The following GALNT13 variants were observed in gnomAD, a reference collection of about 807,000 sequenced individuals.
GALNT13 encodes the protein UDP-GalNAc:polypeptide N-acetylgalactosaminyltransferase 13.
GALNT13 carries 28 observed loss-of-function variants against 64.2 expected under a neutral mutation model. The observed-to-expected ratio is 0.44, with a 90% CI of 0.32 to 0.60. The LOEUF is 0.60. Ranked by LOEUF, GALNT13 falls within the 20% of genes least tolerant of loss-of-function variation. GALNT13 has a pLI of 0.05. For synonymous variants in GALNT13, 214 were observed against 224.6 expected, an observed-to-expected ratio of 0.95 and a Z score of 0.42; for missense variants, 577 against 669.8, an observed-to-expected ratio of 0.86 and a Z score of 1.53.
At chr2:153,457,393 C>T in the GALNT13 span, among the ~76,000 whole-genome samples, 14 of 152,100 alleles carry the variant, frequency 9.2e-5, no homozygotes, top group African/African-American at 3.1e-4. Context: ...ATATATCATC[C>T]GTTCTCTTTA....
the GALNT13 span, among the ~76,000 whole-genome samples, chr2:153,452,818 G>A: frequency 6.6e-6 from 1 of 151,844 alleles, no homozygotes; most frequent in Non-Finnish European, 1.5e-5. Context: ...AATAAGCAAA[G>A]CAATCCTAAG....
intron 9 of GALNT13, among the ~76,000 whole-genome samples, chr2:154,319,686 T>G (rs1047594105): frequency 6.6e-6 from 1 of 152,004 alleles, no homozygotes; most frequent in Admixed American, 6.6e-5. Flanking sequence ...AAAATATTTC[T>G]TAATAATGTG....
chr2:153,670,873 T>C, the GALNT13 span, among the ~76,000 whole-genome samples: 1 of 152,140 alleles, frequency 6.6e-6, no homozygotes, highest in African/African-American at 2.4e-5. Flanking sequence ...CTGATGGAGC[T>C]GAAAACCACA....
At chr2:153,403,060 T>C in the GALNT13 span, among the ~76,000 whole-genome samples, 3 of 151,500 alleles carry the variant, frequency 2.0e-5, no homozygotes, top group South Asian at 6.2e-4. Flanking sequence ...TTTGTGGTTT[T>C]ATCTACTTTT....
chr2:153,181,065 A>C, the GALNT13 span, among the ~76,000 whole-genome samples: 1 of 37,226 alleles, frequency 2.7e-5, no homozygotes, highest in Non-Finnish European at 5.2e-5. Context: ...CATCAGGCTT[A>C]TCCTTTTTCT....
At chr2:153,301,138 G>T in the GALNT13 span, among the ~76,000 whole-genome samples, 2 of 151,860 alleles carry the variant, frequency 1.3e-5, no homozygotes, top group Non-Finnish European at 1.5e-5. Context: ...TGAGGCTGGA[G>T]TGAGCCGTGA....
At chr2:153,148,122 T>A in the GALNT13 span, among the ~76,000 whole-genome samples, 1 of 151,936 alleles carries the variant, frequency 6.6e-6, no homozygotes, top group Non-Finnish European at 1.5e-5. Flanking sequence ...GAAAAGCCGC[T>A]ACTTCCTTTT....
At chr2:154,138,250 C>T (rs1683059488) in intron 3 of GALNT13, among the ~76,000 whole-genome samples, 1 of 151,866 alleles carries the variant, frequency 6.6e-6, no homozygotes, top group African/African-American at 2.4e-5. Context: ...CTTCATTTTC[C>T]TTCTGAAGAC....
the GALNT13 span, among the ~76,000 whole-genome samples, chr2:153,780,240 T>G: frequency 1.5e-4 from 3 of 19,470 alleles, no homozygotes; most frequent in South Asian, 8.8e-4. Flanking sequence ...TATATATATA[T>G]ATATATATAT....
At chr2:153,862,521 A>G in the GALNT13 span, among the ~76,000 whole-genome samples, 1 of 152,170 alleles carries the variant, frequency 6.6e-6, no homozygotes, top group Non-Finnish European at 1.5e-5. Context: ...TTTCAAGGCA[A>G]TAGTACTTCA....
At chr2:154,122,590 A>C (rs1263207169) in intron 3 of GALNT13, among the ~76,000 whole-genome samples, 1 of 152,012 alleles carries the variant, frequency 6.6e-6, no homozygotes, top group African/African-American at 2.4e-5. Context: ...TATTGATTCA[A>C]CTTCTACAAC....
the GALNT13 span, among the ~76,000 whole-genome samples, chr2:153,514,823 G>A: frequency 6.6e-6 from 1 of 152,190 alleles, no homozygotes; most frequent in East Asian, 1.9e-4. Flanking sequence ...CCTAACAGGT[G>A]CTGTGCTGAG....
chr2:153,124,303 T>C, the GALNT13 span, among the ~76,000 whole-genome samples: 7,126 of 152,330 alleles, frequency 0.047, 271 homozygotes, highest in East Asian at 0.19. Flanking sequence ...TCGAGCTGTG[T>C]GTGGATTTCT....
rs1225491885 is a variant in GALNT13, at chr2:154,453,362, A to C, written c.*2811A>C. 1 of 152,180 alleles carries C rather than the reference A, an allele frequency of 6.6e-6. No homozygotes were observed. The highest frequency in any genetic ancestry group is 2.4e-5 in the African/African-American group (1 of 41,386). 9.4% of individuals were successfully genotyped at this position (152,180 alleles called of 1,614,324 possible). ...CACACATACATACACATGCACACAC[A>C]CACACATGCAATTCTACCTTTTTCT... is the stretch of plus-strand genomic sequence containing the variant. On this transcript the variant is annotated 3_prime_UTR_variant, in exon 13 of 13. Transcript: ENST00000392825.
the GALNT13 span, among the ~76,000 whole-genome samples, chr2:153,100,876 A>G: frequency 1.1e-4 from 16 of 152,214 alleles, no homozygotes; most frequent in African/African-American, 3.9e-4. Context: ...TAAAAAATAC[A>G]AAACTAGCTG....
chr2:153,731,156 ATG>A, the GALNT13 span, among the ~76,000 whole-genome samples: 2 of 151,590 alleles, frequency 1.3e-5, no homozygotes, highest in Non-Finnish European at 1.5e-5. Context: ...TATTTCACAT[ATG>A]TGATGTATTA....
At chr2:153,555,190 C>CTT in the GALNT13 span, among the ~76,000 whole-genome samples, 715 of 105,120 alleles carry the variant, frequency 6.8e-3, 10 homozygotes, top group African/African-American at 8.8e-3. Context: ...AGAAGCTTTA[C>CTT]TTTTTTTTTT....
chr2:153,255,835 A>T, the GALNT13 span, among the ~76,000 whole-genome samples: 1 of 152,198 alleles, frequency 6.6e-6, no homozygotes, highest in East Asian at 1.9e-4. Flanking sequence ...CTGAGAGATC[A>T]GCTGTTAGTC....
the GALNT13 span, among the ~76,000 whole-genome samples, chr2:153,118,353 G>C: frequency 6.6e-6 from 1 of 152,124 alleles, no homozygotes; most frequent in Non-Finnish European, 1.5e-5. Flanking sequence ...CCTTCCCAGG[G>C]CAACCATCAC....
Sources: gnomAD v4.1 joint callset for allele counts (sites outside exome capture counted in the v4.1 genomes callset) on GRCh38, gnomAD v4.1.1 for gene constraint, MANE v1.5 for transcripts, NCBI Gene and HGNC (gene_info 2026-07-23, HGNC 2026-07-21) for gene names.